DDRGK1: variants seen among roughly 807,000 people sequenced by gnomAD.
The protein encoded by DDRGK1 is DDRGK domain containing 1.
In DDRGK1, 38 loss-of-function variants were observed where a neutral mutation model predicts 45.8. The ratio of observed to expected loss-of-function variants is 0.83; its 90% CI spans 0.64 to 1.09. DDRGK1 has a LOEUF of 1.09. DDRGK1 is among the 50% of genes least tolerant of loss of function. The pLI, the probability that DDRGK1 is intolerant of heterozygous loss-of-function variation, is 0.00. For missense variants in DDRGK1, 403 were observed against 419.9 expected (o/e 0.96, Z 0.35); for synonymous variants, 171 against 168.7 (o/e 1.01, Z -0.11).
intron 6 of DDRGK1, 96 bp from the exon 7 acceptor site, chr20:3,191,917 T>C (rs1343814836): frequency 2.2e-5 from 28 of 1,295,136 alleles, no homozygotes; most frequent in Non-Finnish European, 3.0e-5. Flanking sequence ...TCTGATCTGT[T>C]CTCGGTGGCT....
chr20:3,195,460 T>G, intron 4 of DDRGK1, 107 bp from the exon 5 acceptor site: 1 of 1,447,598 alleles, frequency 6.9e-7, no homozygotes, highest in Admixed American at 2.5e-5. Flanking sequence ...GCCCAGCCTT[T>G]TCTCAGAGAC....
chr20:3,203,181 A>C (rs1600478500), intron 2 of DDRGK1, 32 bp downstream of exon 2: 1 of 1,506,766 alleles, frequency 6.6e-7, no homozygotes, highest in Admixed American at 2.3e-5. Flanking sequence ...TCCAACCCAA[A>C]CCCTCTCCCC....
intron 4 of DDRGK1, among the ~76,000 whole-genome samples, chr20:3,198,747 T>C (rs2067023232): frequency 8.1e-6 from 1 of 123,260 alleles, no homozygotes; most frequent in Non-Finnish European, 1.7e-5. Context: ...TAAACTGTCA[T>C]GACACAGAAG....
At chr20:3,194,297 A>C (rs990206920) in intron 6 of DDRGK1, among the ~76,000 whole-genome samples, 1 of 152,194 alleles carries the variant, frequency 6.6e-6, no homozygotes, top group Non-Finnish European at 1.5e-5. Context: ...GTTGCTTAGC[A>C]GCAAAGCAAA....
chr20:3,202,640 T>C (rs2067045019), intron 2 of DDRGK1, among the ~76,000 whole-genome samples: 2 of 152,136 alleles, frequency 1.3e-5, no homozygotes, highest in Admixed American at 1.3e-4. Flanking sequence ...GCTAAAGGGA[T>C]AATCCCCAAA....
At chr20:3,204,193 T>C (rs937010717) in intron 1 of DDRGK1, among the ~76,000 whole-genome samples, 1 of 152,116 alleles carries the variant, frequency 6.6e-6, no homozygotes, top group African/African-American at 2.4e-5. Flanking sequence ...GGAAAACCCC[T>C]GCGGCCTCCC....
chr20:3,192,691 C>A (rs117351792), intron 6 of DDRGK1, among the ~76,000 whole-genome samples: 2 of 152,162 alleles, frequency 1.3e-5, no homozygotes, highest in African/African-American at 4.8e-5. Flanking sequence ...AAGGGTCCAC[C>A]GCTGTGTCCA....
chr20:3,192,592 C>T (rs79301019), intron 6 of DDRGK1, among the ~76,000 whole-genome samples: 3,778 of 152,260 alleles, frequency 0.025, 161 homozygotes, highest in African/African-American at 0.085. Flanking sequence ...TCACTAATAC[C>T]GCTGAGTGCT....
rs775411966 is a variant in DDRGK1, at chr20:3,191,837, G to A, written c.673-16C>T. On this transcript the variant is annotated splice_polypyrimidine_tract_variant and intron_variant, in intron 6 of 8. Coordinates refer to ENST00000354488, the MANE Select transcript of DDRGK1 (RefSeq NM_023935.3). Reference sequence around the variant, plus strand: ...CCTTGGACTGCTACAAAAAGAAGGAGGAAAAGAAAGAGAGGCTGAGCTTGG... The same window carrying A: ...CCTTGGACTGCTACAAAAAGAAGGAAGAAAAGAAAGAGAGGCTGAGCTTGG... 8.7e-6 allele frequency: 14 copies of A among 1,602,502 alleles called. No homozygotes were observed. The East Asian group carries it at 1.8e-4, about 20-fold the overall frequency.
intron 3 of DDRGK1, 82 bp downstream of exon 3, chr20:3,200,260 A>C: frequency 6.8e-7 from 1 of 1,472,554 alleles, no homozygotes. Context: ...AGCAGGCAAC[A>C]AGCCCTCAGT....
At position 3,191,813 on chromosome 20, in the gene DDRGK1, C is replaced by T. The variant is rs770300809; in HGVS notation, c.681G>A (p.Lys227=). 6.2e-7 allele frequency: 1 copy of T among 1,608,080 alleles called. No homozygotes were observed. Among genetic ancestry groups the T allele is most frequent in the Non-Finnish European group, 8.5e-7 (1 of 1,177,322 alleles). The change falls in exon 7 of 9, where the codon AAG becomes AAA. Residue 227 remains lysine, a synonymous_variant. Coordinates refer to ENST00000354488, the MANE Select transcript of DDRGK1 (RefSeq NM_023935.3). The part of the protein sequence containing the change: ...TEFINYIKQS[K]VVLLEDLASQ... Reference sequence around the variant, plus strand: ...AAGCCAGGTCTTCCAAGAGCACAACCTTGGACTGCTACAAAAAGAAGGAGG... The same window carrying T: ...AAGCCAGGTCTTCCAAGAGCACAACTTTGGACTGCTACAAAAAGAAGGAGG...
intron 2 of DDRGK1, among the ~76,000 whole-genome samples, chr20:3,201,649 G>C (rs2067040120): frequency 6.6e-6 from 1 of 151,402 alleles, no homozygotes; most frequent in Non-Finnish European, 1.5e-5. Context: ...AGGAGAGAGG[G>C]TTGTTTTTTT....
At chr20:3,196,598 G>A (rs1035118351) in intron 4 of DDRGK1, among the ~76,000 whole-genome samples, 4 of 151,948 alleles carry the variant, frequency 2.6e-5, no homozygotes, top group Admixed American at 1.3e-4. Context: ...GGAGAATGGC[G>A]TGAACCTGGG....
chr20:3,199,782 T>C (rs2067027657), intron 4 of DDRGK1, among the ~76,000 whole-genome samples: 1 of 152,084 alleles, frequency 6.6e-6, no homozygotes. Flanking sequence ...TCCCCGAAAG[T>C]TCAATAGTCA....
Position 3,190,764 on chromosome 20 carries a change from G to A in DDRGK1, c.834C>T (p.Ala278=), listed in dbSNP as rs142248347. ...CCCGCTGTCGGATGAAGTTGGCCAC[G>A]GCGGCCAGTTCCTCTGGGGTTATGT... ...FIYITPEELA[A]VANFIRQRGR... is the part of the protein sequence containing the mutation. The change falls in exon 9 of 9, where the codon GCC becomes GCT. Residue 278 remains alanine, a synonymous_variant. Transcript: ENST00000354488. 1.1e-4 allele frequency: 179 copies of A among 1,613,986 alleles called. No individual in the cohort carries two copies. Among genetic ancestry groups the A allele is most frequent in the African/African-American group, 9.3e-4 (70 of 75,038 alleles).
At chr20:3,201,529 A>G (rs999492684) in intron 2 of DDRGK1, among the ~76,000 whole-genome samples, 1 of 151,966 alleles carries the variant, frequency 6.6e-6, no homozygotes, top group Non-Finnish European at 1.5e-5. Context: ...AGCCACAAAG[A>G]AGGAGGTATC....
In DDRGK1 at chr20:3,204,656, G is replaced by C. The variant is rs774776584; in HGVS notation, c.-29C>G. 4 of 1,554,494 alleles carry C rather than the reference G, an allele frequency of 2.6e-6. No homozygotes were observed. The South Asian group carries it at 4.7e-5, about 18-fold the overall frequency. On this transcript the variant is annotated 5_prime_UTR_variant, in exon 1 of 9. Transcript: ENST00000354488. ...GAGGGCCTCAGTGCAGAACCACTGCGTCCACCCTGAGGCCGGGATCTCATA... is the reference window on the plus strand; with the variant it reads ...GAGGGCCTCAGTGCAGAACCACTGCCTCCACCCTGAGGCCGGGATCTCATA...
chr20:3,194,658 T>C (rs941837466), intron 6 of DDRGK1, among the ~76,000 whole-genome samples, 172 bp downstream of exon 6: 2 of 152,206 alleles, frequency 1.3e-5, no homozygotes, highest in Non-Finnish European at 2.9e-5. Context: ...ACCTTCGGGG[T>C]TGGAGGGAGA....
chr20:3,202,702 G>A (rs2326083), intron 2 of DDRGK1, among the ~76,000 whole-genome samples: 25,552 of 152,156 alleles, frequency 0.17, 2,782 homozygotes, highest in South Asian at 0.39. Flanking sequence ...ACGCCCAGAC[G>A]CCCCCTCCTC....
Sources: allele counts gnomAD v4.1 joint callset (sites outside exome capture counted in the v4.1 genomes callset), GRCh38; gene constraint gnomAD v4.1.1; transcripts MANE v1.5; gene names NCBI Gene and HGNC (gene_info 2026-07-23, HGNC 2026-07-21).